TTC23L: variants seen among roughly 807,000 people sequenced by gnomAD.
TTC23L encodes the protein tetratricopeptide repeat protein 23-like.
Under a neutral mutation model 48.1 loss-of-function variants are expected in TTC23L, and 42 were observed. The observed-to-expected ratio is 0.87, with a 90% CI of 0.68 to 1.13. The LOEUF is 1.13. TTC23L is among the 50% of genes most tolerant of loss of function. TTC23L has a pLI of 0.00. For missense variants in TTC23L, 391 were observed against 421.0 expected, an observed-to-expected ratio of 0.93 and a Z score of 0.62; for synonymous variants, 159 against 157.2, an observed-to-expected ratio of 1.01 and a Z score of -0.09.
Position 34,893,918 on chromosome 5 carries a change from ACAG to A in TTC23L, c.1078-2851_1078-2849del, listed in dbSNP as rs1439737501. Reference sequence around the variant, plus strand: ...GCATATGACCAATAAACACACACACACAGATTTCCAATCTCAGGCAGGATTCAA... The same window carrying A: ...GCATATGACCAATAAACACACACACAATTTCCAATCTCAGGCAGGATTCAA... On this transcript the variant is annotated intron_variant, in intron 9 of 10. Transcript: ENST00000505624. Among the ~76,000 whole-genome samples, 37 of 152,286 alleles carry A rather than the reference ACAG, an allele frequency of 2.4e-4. No homozygotes were observed. The East Asian group carries it at 6.9e-3, about 29-fold the overall frequency.
intron 7 of TTC23L, chr5:34,867,641 A>G (rs1374687320): frequency 6.5e-6 from 1 of 154,236 alleles, no homozygotes; most frequent in Non-Finnish European, 1.4e-5. Flanking sequence ...CATGTACTTG[A>G]AGCTGCTAAA....
At chr5:34,898,017 G>A (rs1167646776) in intron 10 of TTC23L, among the ~76,000 whole-genome samples, 2 of 152,208 alleles carry the variant, frequency 1.3e-5, no homozygotes, top group African/African-American at 4.8e-5. Flanking sequence ...CCACTTTCTA[G>A]CTATGGGCAA....
At chr5:34,865,403 C>G (rs1760976461) in intron 6 of TTC23L, among the ~76,000 whole-genome samples, 1 of 152,156 alleles carries the variant, frequency 6.6e-6, no homozygotes, top group African/African-American at 2.4e-5. Context: ...AGAACTAAAT[C>G]AAACTATTGA....
At chr5:34,908,687 A>T in the TTC23L span, 1 of 1,295,790 alleles carries the variant, frequency 7.7e-7, no homozygotes, top group Non-Finnish European at 1.1e-6. Context: ...CCAATATGAA[A>T]TGACAAAGAG....
the TTC23L span, chr5:34,919,953 C>A: frequency 1.7e-6 from 1 of 599,680 alleles, no homozygotes; most frequent in South Asian, 2.0e-5. Flanking sequence ...AAAACTAAGT[C>A]ATTCAGTGAC....
chr5:34,909,465 A>C, the TTC23L span: 3 of 693,124 alleles, frequency 4.3e-6, no homozygotes, highest in South Asian at 3.8e-5. Context: ...GGTGAAACAG[A>C]CATGTACACA....
the TTC23L span, among the ~76,000 whole-genome samples, chr5:34,917,696 G>C: frequency 6.6e-6 from 1 of 152,086 alleles, no homozygotes; most frequent in South Asian, 2.1e-4. Context: ...ATATCTATTG[G>C]AGGTGCTCAT....
At chr5:34,892,895 C>T (rs562097428) in intron 9 of TTC23L, among the ~76,000 whole-genome samples, 1 of 152,222 alleles carries the variant, frequency 6.6e-6, no homozygotes, top group South Asian at 2.1e-4. Context: ...ATGTACTGCG[C>T]TAAGGCATTT....
intron 9 of TTC23L, among the ~76,000 whole-genome samples, chr5:34,884,510 C>T (rs1444311716): frequency 6.6e-6 from 1 of 150,824 alleles, no homozygotes; most frequent in Non-Finnish European, 1.5e-5. Flanking sequence ...TGTAGAAAAC[C>T]CTAATGATCA....
intron 6 of TTC23L, among the ~76,000 whole-genome samples, 157 bp from the exon 7 acceptor site, chr5:34,866,735 T>C (rs1221690003): frequency 3.3e-5 from 5 of 152,146 alleles, no homozygotes; most frequent in Non-Finnish European, 5.9e-5. Context: ...TGCAGGATAA[T>C]TGGAGTTTAT....
At chr5:34,884,003 T>G (rs1334529837) in intron 9 of TTC23L, among the ~76,000 whole-genome samples, 3 of 152,156 alleles carry the variant, frequency 2.0e-5, no homozygotes, top group African/African-American at 7.2e-5. Flanking sequence ...GCAAAAATTC[T>G]CAACAAAACA....
the TTC23L span, chr5:34,916,002 G>T: frequency 7.5e-7 from 1 of 1,339,618 alleles, no homozygotes; most frequent in Non-Finnish European, 9.9e-7. Context: ...AGTAGCCCGG[G>T]TGTTAACGGT....
chr5:34,922,382 G>C, the TTC23L span: 1 of 938,812 alleles, frequency 1.1e-6, no homozygotes, highest in Non-Finnish European at 1.6e-6. Flanking sequence ...TCATGTTAAG[G>C]GTTGAGAATG....
At chr5:34,851,826 A>G (rs1370771745) in intron 4 of TTC23L, among the ~76,000 whole-genome samples, 1 of 152,156 alleles carries the variant, frequency 6.6e-6, no homozygotes, top group Non-Finnish European at 1.5e-5. Flanking sequence ...TGGCACTTGC[A>G]GTCAGTGCTG....
chr5:34,895,152 C>T (rs763196217), intron 9 of TTC23L, among the ~76,000 whole-genome samples: 14 of 152,270 alleles, frequency 9.2e-5, no homozygotes, highest in Non-Finnish European at 1.6e-4. Flanking sequence ...CATTACTGGA[C>T]AGTTCTGATT....
downstream of TTC23L, among the ~76,000 whole-genome samples, chr5:34,900,043 T>G (rs1451380611): frequency 6.6e-6 from 1 of 152,236 alleles, no homozygotes; most frequent in Non-Finnish European, 1.5e-5. Context: ...CTCTATTCCT[T>G]TCAGTTCTGA....
chr5:34,871,677 G>C (rs1761478441), intron 8 of TTC23L, among the ~76,000 whole-genome samples: 1 of 152,152 alleles, frequency 6.6e-6, no homozygotes, highest in Non-Finnish European at 1.5e-5. Context: ...AGAGAATGTG[G>C]TATATTGGTG....
At chr5:34,846,937 A>G (rs1158928649) in intron 3 of TTC23L, among the ~76,000 whole-genome samples, 2 of 151,808 alleles carry the variant, frequency 1.3e-5, no homozygotes, top group African/African-American at 4.9e-5. Context: ...GAGCAAGTCA[A>G]AGACTTGAGT....
chr5:34,863,896 A>G lies in TTC23L; in HGVS notation c.537-541A>G, dbSNP rs1760862462. ...TTTTGGTCCTAATGTTCAACTTGCAAAATCTGATATGTGGCCTTCCTCTGT... is the reference window on the plus strand; with the variant it reads ...TTTTGGTCCTAATGTTCAACTTGCAGAATCTGATATGTGGCCTTCCTCTGT... On this transcript the variant is annotated intron_variant, in intron 5 of 10. Transcript: ENST00000505624. The surrounding 1 kb of genome is among the most constrained non-coding windows in gnomAD (Gnocchi z 4.1). 6.6e-6 allele frequency among the ~76,000 whole-genome samples: 1 copy of G among 152,180 alleles called. No homozygotes were observed. Among genetic ancestry groups the G allele is most frequent in the Non-Finnish European group, 1.5e-5 (1 of 68,032 alleles).
Sources: gnomAD v4.1 joint callset for allele counts (sites outside exome capture counted in the v4.1 genomes callset) on GRCh38, gnomAD v4.1.1 for gene constraint, Gnocchi (gnomAD v3.1) non-coding constraint, MANE v1.5 for transcripts, NCBI Gene and HGNC (gene_info 2026-07-23, HGNC 2026-07-21) for gene names.